CTNNA3: variants seen among roughly 807,000 people sequenced by gnomAD.
CTNNA3 encodes the protein catenin alpha-3.
CTNNA3 carries 76 observed loss-of-function variants against 95.7 expected under a neutral mutation model. That is an observed-to-expected ratio of 0.79 (90% CI 0.66 to 0.96). The LOEUF (loss-of-function observed/expected upper bound fraction) is 0.96, where lower values mean the gene tolerates loss of function less well. Among genes scored for constraint, CTNNA3 ranks in the 40% least tolerant of loss-of-function variants. The probability of loss-of-function intolerance (pLI) is 0.00; values close to 1 mark genes in which losing one functional copy is unlikely to be tolerated. For synonymous variants in CTNNA3, 431 were observed against 374.4 expected (o/e 1.15, Z -1.74); for missense variants, 1,191 against 1,089.8 (o/e 1.09, Z -1.31).
At chr10:67,219,505 T>G in intron 6 of CTNNA3, 102 bp downstream of exon 6, 1 of 1,319,878 alleles carries the variant, frequency 7.6e-7, no homozygotes, top group Non-Finnish European at 1.0e-6. Context: ...GATTTTTTAT[T>G]TTCTCATGCT....
At chr10:67,636,224 T>G (rs908775908) in intron 2 of CTNNA3, among the ~76,000 whole-genome samples, 45 of 152,292 alleles carry the variant, frequency 3.0e-4, no homozygotes, top group African/African-American at 1.1e-3. Flanking sequence ...ATCAATGTCG[T>G]TAGAATGGCC....
chr10:66,411,274 T>C (rs1348017462), intron 11 of CTNNA3, among the ~76,000 whole-genome samples: 1 of 152,134 alleles, frequency 6.6e-6, no homozygotes, highest in Non-Finnish European at 1.5e-5. Context: ...AAAAATAATA[T>C]AAAGCAAGTT....
At chr10:66,960,701 T>C (rs1381024953) in intron 7 of CTNNA3, among the ~76,000 whole-genome samples, 1 of 152,194 alleles carries the variant, frequency 6.6e-6, no homozygotes, top group Non-Finnish European at 1.5e-5. Flanking sequence ...CATAGCATAA[T>C]ATTCCAAATT....
intron 9 of CTNNA3, among the ~76,000 whole-genome samples, chr10:66,734,710 A>G (rs928381818): frequency 3.3e-5 from 5 of 152,054 alleles, no homozygotes; most frequent in African/African-American, 1.2e-4. Flanking sequence ...AAAAATACAA[A>G]AAATTAGCCG....
At chr10:66,148,705 G>A (rs1471471103) in intron 13 of CTNNA3, among the ~76,000 whole-genome samples, 1 of 118,134 alleles carries the variant, frequency 8.5e-6, no homozygotes, top group Non-Finnish European at 1.7e-5. Flanking sequence ...CAGCCTCCAG[G>A]ACTATGAGAA....
At chr10:66,067,624 T>A (rs768948850) in intron 15 of CTNNA3, among the ~76,000 whole-genome samples, 1 of 152,094 alleles carries the variant, frequency 6.6e-6, no homozygotes, top group Admixed American at 6.6e-5. Flanking sequence ...TTTCCTTTAT[T>A]CAAAAAAGTT....
chr10:67,531,232 T>TATGG (rs2133183098), intron 4 of CTNNA3, among the ~76,000 whole-genome samples: 1 of 152,164 alleles, frequency 6.6e-6, no homozygotes, highest in African/African-American at 2.4e-5. Flanking sequence ...AGAACCACCC[T>TATGG]AGAATGATAG....
rs745693900 is a variant in CTNNA3 at position 66,642,255 on chromosome 10, T to TAC, written c.1282-20473_1282-20472dup. ...TTAAAATGTTGATATTTCTTTAAAA[T>TAC]ACACACACACACACACACACACAAA... On this transcript the variant is annotated intron_variant, in intron 9 of 17. Coordinates refer to ENST00000433211, the MANE Select transcript of CTNNA3 (RefSeq NM_013266.4). 2.7e-3 allele frequency among the ~76,000 whole-genome samples: 311 copies of TAC among 114,760 alleles called. 1 individual carries two copies. The highest frequency in any genetic ancestry group is 4.1e-3 in the Middle Eastern group (1 of 244). 75.3% of individuals were successfully genotyped at this position (114,760 alleles called of 152,430 possible). A position where few individuals can be genotyped will look rare whatever the true frequency, so the allele number is the denominator to read the frequency against.
At chr10:66,655,300 TCA>T (rs1457429171) in intron 9 of CTNNA3, among the ~76,000 whole-genome samples, 3 of 152,204 alleles carry the variant, frequency 2.0e-5, no homozygotes, top group African/African-American at 7.2e-5. Context: ...AAAAGATTTT[TCA>T]TGTTTCTTTT....
chr10:66,109,241 A>C lies in CTNNA3; in HGVS notation c.1885-5992T>G, dbSNP rs79199948. On this transcript the variant is annotated intron_variant, in intron 13 of 17. Coordinates refer to ENST00000433211, the MANE Select transcript of CTNNA3 (RefSeq NM_013266.4). ...TGTCTCATTGGCAACCAGTGTGGGT[A>C]AATGACAGGGTCGGTGAGACTCCCT... Among the ~76,000 whole-genome samples the C allele has an allele frequency of 8.2e-3, 1,247 of 152,290 alleles. 45 individuals carry two copies. The highest frequency in any genetic ancestry group is 0.063 in the Admixed American group (967 of 15,286).
intron 12 of CTNNA3, among the ~76,000 whole-genome samples, chr10:66,304,986 G>A (rs929919868): frequency 1.3e-5 from 2 of 151,932 alleles, no homozygotes; most frequent in Admixed American, 1.3e-4. Flanking sequence ...ATGAACTTTT[G>A]TGGTTCTGGC....
intron 5 of CTNNA3, among the ~76,000 whole-genome samples, chr10:67,225,075 G>C (rs1367573729): frequency 6.6e-6 from 1 of 152,132 alleles, no homozygotes; most frequent in African/African-American, 2.4e-5. Context: ...TTGCCTGGGA[G>C]CTGGGTGAGG....
intron 5 of CTNNA3, among the ~76,000 whole-genome samples, chr10:67,316,661 A>G (rs1589158257): frequency 6.6e-6 from 1 of 152,336 alleles, no homozygotes; most frequent in African/African-American, 2.4e-5. Flanking sequence ...GAGATAATAT[A>G]GCATAAAGTA....
chr10:66,291,051 TAAGAG>T (rs1420548296), intron 12 of CTNNA3, among the ~76,000 whole-genome samples: 1 of 152,226 alleles, frequency 6.6e-6, no homozygotes, highest in East Asian at 1.9e-4. Context: ...CGTTTGGAAA[TAAGAG>T]AAGACAAACA....
chr10:67,237,244 G>A (rs941332354), intron 5 of CTNNA3, among the ~76,000 whole-genome samples: 2 of 147,936 alleles, frequency 1.4e-5, no homozygotes, highest in African/African-American at 2.5e-5. Context: ...ACCTGGATGA[G>A]ATTGGATACT....
intron 7 of CTNNA3, among the ~76,000 whole-genome samples, chr10:66,835,333 C>A (rs1842851843): frequency 6.6e-6 from 1 of 152,178 alleles, no homozygotes; most frequent in African/African-American, 2.4e-5. Context: ...GGACCAGCAG[C>A]ATGATCATCA....
intron 7 of CTNNA3, among the ~76,000 whole-genome samples, chr10:66,872,222 T>A (rs1365667201): frequency 3.3e-5 from 5 of 152,236 alleles, no homozygotes; most frequent in African/African-American, 1.2e-4. Flanking sequence ...TCTTATTTTA[T>A]CCATGCTGCA....
At chr10:66,243,559 T>C (rs1440726689) in intron 13 of CTNNA3, among the ~76,000 whole-genome samples, 1 of 152,210 alleles carries the variant, frequency 6.6e-6, no homozygotes, top group Non-Finnish European at 1.5e-5. Context: ...AATCCATCTA[T>C]GATCTGGAAG....
chr10:67,052,035 G>A (rs988381696), intron 7 of CTNNA3, among the ~76,000 whole-genome samples: 4 of 152,122 alleles, frequency 2.6e-5, no homozygotes, highest in Admixed American at 6.5e-5. Flanking sequence ...GATTACAGGC[G>A]TGAGCCACCA....
Sources: allele counts gnomAD v4.1 joint callset (sites outside exome capture counted in the v4.1 genomes callset), GRCh38; gene constraint gnomAD v4.1.1; transcripts MANE v1.5; gene names NCBI Gene and HGNC (gene_info 2026-07-23, HGNC 2026-07-21).